FRAS1: variants seen among roughly 807,000 people sequenced by gnomAD.
The protein encoded by FRAS1 is Fraser extracellular matrix complex subunit 1.
Under a neutral mutation model 435.2 loss-of-function variants are expected in FRAS1, and 290 were observed. That is an observed-to-expected ratio of 0.67 (90% CI 0.61 to 0.73). The LOEUF (loss-of-function observed/expected upper bound fraction) is 0.73. Among genes scored for constraint, FRAS1 ranks in the 30% least tolerant of loss-of-function variants. The pLI is 0.00. For synonymous variants in FRAS1, 1,800 were observed against 1,851.0 expected (o/e 0.97, Z 0.71); for missense variants, 4,860 against 5,001.5 (o/e 0.97, Z 0.85).
intron 3 of FRAS1, among the ~76,000 whole-genome samples, chr4:78,240,906 A>G (rs1724974469): frequency 1.3e-5 from 2 of 152,190 alleles, no homozygotes; most frequent in African/African-American, 4.8e-5. Context: ...CACCAAGGAG[A>G]GTAGAAGATG....
Position 78,473,533 on chromosome 4 carries a change from C to T in FRAS1, c.7618C>T (p.Pro2540Ser), listed in dbSNP as rs201843391. ...SFQFLVKDSKPNVVSDNVFHI... is the reference protein window; with the variant it reads ...SFQFLVKDSKSNVVSDNVFHI... ...TCAGTTTCTGGTGAAAGACAGTAAACCCAATGTGGTCAGCGACAATGTCTT... is the reference window on the plus strand; with the variant it reads ...TCAGTTTCTGGTGAAAGACAGTAAATCCAATGTGGTCAGCGACAATGTCTT... Residue 2540 changes from proline (P) to serine (S), a missense_variant, in exon 53 of 74, where the codon CCC becomes TCC. Pro to Ser is a moderately conservative substitution (Grantham distance 74). Transcript: ENST00000512123. 1 of 1,612,906 alleles carries T rather than the reference C, an allele frequency of 6.2e-7. No individual in the cohort carries two copies. The highest frequency in any genetic ancestry group is 1.1e-5 in the South Asian group (1 of 90,950).
chr4:78,198,541 A>G (rs963941507), intron 2 of FRAS1, among the ~76,000 whole-genome samples: 2 of 152,248 alleles, frequency 1.3e-5, no homozygotes, highest in Non-Finnish European at 1.5e-5. Flanking sequence ...TCAGCATTCA[A>G]TTGGAATGCT....
At chr4:78,383,759 C>T (rs990513510) in intron 27 of FRAS1, among the ~76,000 whole-genome samples, 8 of 152,132 alleles carry the variant, frequency 5.3e-5, no homozygotes, top group African/African-American at 1.9e-4. Flanking sequence ...ACTAATCTGC[C>T]TTGGCCTGAC....
intron 29 of FRAS1, among the ~76,000 whole-genome samples, chr4:78,390,303 G>A (rs2110334303): frequency 6.6e-6 from 1 of 152,202 alleles, no homozygotes; most frequent in South Asian, 2.1e-4. Context: ...AAGCTTGATG[G>A]GAATTATTCC....
intron 9 of FRAS1, among the ~76,000 whole-genome samples, chr4:78,277,857 G>A (rs1460931084): frequency 6.6e-6 from 1 of 151,724 alleles, no homozygotes; most frequent in African/African-American, 2.4e-5. Context: ...TGTCACCCAG[G>A]CTGGAGTGCA....
In FRAS1 at chr4:78,522,775, A is replaced by G. The variant is rs1011371729; in HGVS notation, c.10775A>G (p.His3592Arg). The change falls in exon 69 of 74, where the codon CAT (histidine) becomes CGT (arginine). Residue 3592 changes from histidine (H) to arginine (R), a missense_variant. Transcript: ENST00000512123. ...AGCGCTCAGACTTTTGATTCTCCAC[A>G]TCAACTCTGGAGAGCCACAAGCTCT... ...LWSAQTFDSP[H>R]QLWRATSSYN... 2.5e-6 allele frequency: 4 copies of G among 1,611,888 alleles called. No homozygotes were observed. The highest frequency in any genetic ancestry group is 1.7e-4 in the Middle Eastern group (1 of 6,046).
At chr4:78,476,259 G>A (rs1719849058) in intron 54 of FRAS1, among the ~76,000 whole-genome samples, 1 of 152,102 alleles carries the variant, frequency 6.6e-6, no homozygotes, top group African/African-American at 2.4e-5. Flanking sequence ...TGTATAGATG[G>A]GCAGGCAGTG....
Position 78,407,840 on chromosome 4 carries a change from A to T in FRAS1, c.4307A>T (p.Glu1436Val), listed in dbSNP as rs772595827. The stretch of plus-strand genomic sequence containing the variant: ...GCCCAGAGCGACTCCTTCCGCTTCG[A>T]GGTACCCTCTGCTTCCTGACTTTTC... ...APAQSDSFRF[E>V]VSSASNAQTR... The change falls in exon 31 of 74, where the codon GAG (glutamate) becomes GTG (valine). Residue 1436 changes from glutamate (E) to valine (V), a missense_variant and splice_region_variant. Physicochemically the swap from Glu to Val is moderately radical, Grantham distance 121 (BLOSUM62 -2). Transcript: ENST00000512123. 1.0e-5 allele frequency: 16 copies of T among 1,593,216 alleles called. No homozygotes were observed. The highest frequency in any genetic ancestry group is 1.4e-5 in the Non-Finnish European group (16 of 1,168,564).
At chr4:78,477,687 G>C (rs1482122167) in intron 54 of FRAS1, 128 bp from the exon 55 acceptor site, 1 of 1,188,138 alleles carries the variant, frequency 8.4e-7, no homozygotes. Context: ...CCAGGGCTGG[G>C]AGAACCAGCT....
At chr4:78,334,363 CTTTTTTT>C (rs1007481617) in intron 19 of FRAS1, among the ~76,000 whole-genome samples, 54 of 92,266 alleles carry the variant, frequency 5.9e-4, no homozygotes, top group East Asian at 5.6e-3. Context: ...AACCAATTTT[CTTTTTTT>C]TTTTTTTTTT....
At position 78,318,931 on chromosome 4, in the gene FRAS1, G is replaced by A. The variant is rs1261575707; in HGVS notation, c.2082G>A (p.Glu694=). The A allele has an allele frequency of 6.2e-7, 1 of 1,614,018 alleles. No homozygotes were observed. Among genetic ancestry groups the A allele is most frequent in the Admixed American group, 1.7e-5 (1 of 60,026 alleles). Residue 694 remains glutamate (E), a synonymous_variant, in exon 18 of 74, where the codon GAG becomes GAA. Coordinates refer to ENST00000512123, the MANE Select transcript of FRAS1 (RefSeq NM_025074.7). ...CTGACGTGGGCATCCCCTCTGGCGA[G>A]TGTCTAGCCCAGTGTAGAGCCCATT... ...QLSDVGIPSG[E]CLAQCRAHFY...
At position 78,260,825 on chromosome 4, in the gene FRAS1, A is replaced by G. The variant is rs367785741; in HGVS notation, c.604-4200A>G. On this transcript the variant is annotated intron_variant, in intron 6 of 73. Coordinates refer to ENST00000512123, the MANE Select transcript of FRAS1 (RefSeq NM_025074.7). ...TTCCAGTTTTTGCCCATTCAGTATGATATTGGTTGTGGATGTTTCTTTACC... is the reference window on the plus strand; with the variant it reads ...TTCCAGTTTTTGCCCATTCAGTATGGTATTGGTTGTGGATGTTTCTTTACC... 5.3e-5 allele frequency among the ~76,000 whole-genome samples: 8 copies of G among 152,266 alleles called. No homozygotes were observed. In the South Asian group the frequency reaches 1.0e-3, roughly 20 times the overall value.
At chr4:78,065,440 G>A (rs2109848643) in intron 1 of FRAS1, among the ~76,000 whole-genome samples, 1 of 152,118 alleles carries the variant, frequency 6.6e-6, no homozygotes, top group Admixed American at 6.6e-5. Context: ...CAAAATGCTA[G>A]GAGCTCAGAG....
At chr4:78,375,379 A>T (rs1486893067) in intron 25 of FRAS1, among the ~76,000 whole-genome samples, 1 of 152,210 alleles carries the variant, frequency 6.6e-6, no homozygotes, top group Non-Finnish European at 1.5e-5. Flanking sequence ...TATGACACCG[A>T]TTGTTAAACA....
chr4:78,412,123 A>T (rs755852620), intron 31 of FRAS1, among the ~76,000 whole-genome samples: 1 of 152,234 alleles, frequency 6.6e-6, no homozygotes, highest in Non-Finnish European at 1.5e-5. Flanking sequence ...ACTCGATCCC[A>T]GGCATCTGAT....
At chr4:78,058,321 C>T (rs1224515684) in intron 1 of FRAS1, among the ~76,000 whole-genome samples, 1 of 152,030 alleles carries the variant, frequency 6.6e-6, no homozygotes, top group Non-Finnish European at 1.5e-5. Flanking sequence ...CCTCTCTGCC[C>T]TAAGTGCTTT....
At chr4:78,306,002 G>A (rs1050909432) in intron 14 of FRAS1, among the ~76,000 whole-genome samples, 9 of 152,010 alleles carry the variant, frequency 5.9e-5, no homozygotes, top group Non-Finnish European at 8.8e-5. Context: ...GGCTGGTACC[G>A]GTTGTTCCTT....
At chr4:78,218,657 G>A (rs996356035) in intron 2 of FRAS1, among the ~76,000 whole-genome samples, 17 of 152,210 alleles carry the variant, frequency 1.1e-4, no homozygotes, top group Non-Finnish European at 1.5e-4. Flanking sequence ...AGATTGCAGA[G>A]AGTTAGCCCC....
intron 18 of FRAS1, among the ~76,000 whole-genome samples, chr4:78,329,984 C>A (rs919955242): frequency 6.6e-6 from 1 of 152,076 alleles, no homozygotes; most frequent in Non-Finnish European, 1.5e-5. Context: ...GTCAAAGAAT[C>A]CTGTGTCAAA....
Sources: gnomAD v4.1 joint callset for allele counts (sites outside exome capture counted in the v4.1 genomes callset) on GRCh38, gnomAD v4.1.1 for gene constraint, MANE v1.5 for transcripts, NCBI Gene and HGNC (gene_info 2026-07-23, HGNC 2026-07-21) for gene names.